GIPC3: variants seen among roughly 807,000 people sequenced by gnomAD.
The protein encoded by GIPC3 is PDZ domain-containing protein GIPC3.
A neutral mutation model predicts 27.3 loss-of-function variants in GIPC3; 16 were observed. The ratio of observed to expected loss-of-function variants is 0.59; its 90% CI spans 0.40 to 0.89. The LOEUF (loss-of-function observed/expected upper bound fraction) is 0.89, where lower values mean the gene tolerates loss of function less well. Ranked by LOEUF, GIPC3 falls within the 40% of genes least tolerant of loss-of-function variation. The probability of loss-of-function intolerance (pLI) is 0.00; values close to 1 mark genes in which losing one functional copy is unlikely to be tolerated. For synonymous variants in GIPC3, 194 were observed against 184.6 expected, an observed-to-expected ratio of 1.05 and a Z score of -0.41; for missense variants, 440 against 442.1, an observed-to-expected ratio of 1.00 and a Z score of 0.04.
At chr19:3,586,771 G>A (rs1339122931) in intron 2 of GIPC3, 43 bp from the exon 3 acceptor site, 1 of 1,611,976 alleles carries the variant, frequency 6.2e-7, no homozygotes, top group African/African-American at 1.3e-5. Flanking sequence ...GATTGGAGGC[G>A]GGTGGCTGGG....
chr19:3,591,869 TC>T lies in GIPC3; in HGVS notation c.*1681del. 1.6e-6 allele frequency: 2 copies of T among 1,232,622 alleles called. No homozygotes were observed. The highest frequency in any genetic ancestry group is 2.0e-6 in the Non-Finnish European group (2 of 988,570). 76.4% of individuals were successfully genotyped at this position (1,232,622 alleles called of 1,614,324 possible). ...CACAGCTTGGTGCCAAGCCCCACTC[TC>T]CTTGCACAATGCAGCTCAGCTCTAG... On this transcript the variant is annotated 3_prime_UTR_variant, in exon 6 of 6. Transcript: ENST00000644452.
At chr19:3,588,504 C>T (rs1389725001) in intron 3 of GIPC3, among the ~76,000 whole-genome samples, 3 of 151,894 alleles carry the variant, frequency 2.0e-5, no homozygotes, top group Non-Finnish European at 4.4e-5. Context: ...TAGAATCTGC[C>T]CTGCCGTGGC....
Position 3,585,700 on chromosome 19 carries a change from C to T in GIPC3, c.103C>T (p.Pro35Ser). 1 of 1,444,272 alleles carries T rather than the reference C, an allele frequency of 6.9e-7. No homozygotes were observed. The allele number at this position is 1,444,272 out of a possible 1,614,324, so 89.5% of individuals were successfully genotyped here. A position where few individuals can be genotyped will look rare whatever the true frequency, so the allele number is the denominator to read the frequency against. The change falls in exon 1 of 6, where the codon CCG (proline) becomes TCG (serine). Residue 35 changes from proline to serine, a missense_variant. Physicochemically the swap from Pro to Ser is moderately conservative, Grantham distance 74 (BLOSUM62 -1). Coordinates refer to ENST00000644452, the MANE Select transcript of GIPC3 (RefSeq NM_133261.3). ...GCCCCCGGCCGCGCCCCGCGCCCGC[C>T]CGCGCCTCGTCTTCCGCACGCAGCT... ...SEPPAAPRAR[P>S]RLVFRTQLAH... is the part of the protein sequence containing the mutation.
chr19:3,585,745 G>T lies in GIPC3; in HGVS notation c.148G>T (p.Gly50Cys), dbSNP rs1415606393. 4.5e-6 allele frequency: 7 copies of T among 1,544,170 alleles called. No individual in the cohort carries two copies. The South Asian group carries it at 8.4e-5, about 18-fold the overall frequency. ...GCAGCTGGCGCACGGGAGCCCCACG[G>T]GCAAGATCGAGGGCTTCACCAACGT... ...RTQLAHGSPT[G>C]KIEGFTNVRE... Residue 50 changes from glycine (G) to cysteine (C), a missense_variant, in exon 1 of 6, where the codon GGC becomes TGC. Gly to Cys is a radical substitution (Grantham distance 159, BLOSUM62 -3). Coordinates refer to ENST00000644452, the MANE Select transcript of GIPC3 (RefSeq NM_133261.3).
rs901468848 is a variant in GIPC3, at chr19:3,589,565, G to A, written c.705+10G>A. On this transcript the variant is annotated intron_variant, in intron 4 of 5. Coordinates refer to ENST00000644452, the MANE Select transcript of GIPC3 (RefSeq NM_133261.3). The stretch of plus-strand genomic sequence containing the variant: ...CACAGTGGAGGAAGCGGTGAGTGAA[G>A]GGGAGGGGCTCTCCCCAGGCTTCTG... 4 of 1,603,396 alleles carry A rather than the reference G, an allele frequency of 2.5e-6. No homozygotes were observed. Among genetic ancestry groups the A allele is most frequent in the African/African-American group, 1.3e-5 (1 of 74,728 alleles).
At chr19:3,586,313 G>A (rs1177530368) in intron 1 of GIPC3, among the ~76,000 whole-genome samples, 182 bp from the exon 2 acceptor site, 1 of 152,162 alleles carries the variant, frequency 6.6e-6, no homozygotes, top group Non-Finnish European at 1.5e-5. Context: ...GGGGTATGGA[G>A]AGGGGTCTCC....
rs1232405011 is a variant in GIPC3, at chr19:3,591,250, C to T, written c.*1060C>T. 8.1e-7 allele frequency: 1 copy of T among 1,232,796 alleles called. No individual in the cohort carries two copies. Among genetic ancestry groups the T allele is most frequent in the African/African-American group, 1.6e-5 (1 of 64,440 alleles). 76.4% of individuals were successfully genotyped at this position (1,232,796 alleles called of 1,614,324 possible). ...TCTAGAACCCAGATAAGATCTGAGA[C>T]CAAGCCCTGCTCTGAAGCCCAGGCC... On this transcript the variant is annotated 3_prime_UTR_variant, in exon 6 of 6. Coordinates refer to ENST00000644452, the MANE Select transcript of GIPC3 (RefSeq NM_133261.3).
At chr19:3,587,196 G>C (rs747941431) in intron 3 of GIPC3, among the ~76,000 whole-genome samples, 19 of 152,134 alleles carry the variant, frequency 1.2e-4, no homozygotes, top group Non-Finnish European at 1.9e-4. Flanking sequence ...GGAGGGGTGG[G>C]GGAGAGACTG....
Position 3,585,575 on chromosome 19 carries a change from T to C in GIPC3, c.-23T>C. 1.7e-6 allele frequency: 2 copies of C among 1,143,970 alleles called. No individual in the cohort carries two copies. Among genetic ancestry groups the C allele is most frequent in the East Asian group, 4.3e-5 (1 of 23,024 alleles). 70.9% of individuals were successfully genotyped at this position (1,143,970 alleles called of 1,614,324 possible). A position where few individuals can be genotyped will look rare whatever the true frequency, so the allele number is the denominator to read the frequency against. On this transcript the variant is annotated 5_prime_UTR_variant, in exon 1 of 6. Transcript: ENST00000644452. ...CCGGCGGCGGCGGCGAGGGCCCGGG[T>C]GGGTGGCCGAACTTCTCCCGCCATG...
Position 3,591,879 on chromosome 19 carries a change from A to G in GIPC3, c.*1689A>G, listed in dbSNP as rs1047766333. 6.5e-6 allele frequency: 8 copies of G among 1,232,688 alleles called. No homozygotes were observed. The highest frequency in any genetic ancestry group is 8.1e-6 in the Non-Finnish European group (8 of 988,504). 76.4% of individuals were successfully genotyped at this position (1,232,688 alleles called of 1,614,324 possible). On this transcript the variant is annotated 3_prime_UTR_variant, in exon 6 of 6. Coordinates refer to ENST00000644452, the MANE Select transcript of GIPC3 (RefSeq NM_133261.3). ...TGCCAAGCCCCACTCTCCTTGCACAATGCAGCTCAGCTCTAGAATGCAGTT... is the reference window on the plus strand; with the variant it reads ...TGCCAAGCCCCACTCTCCTTGCACAGTGCAGCTCAGCTCTAGAATGCAGTT...
chr19:3,590,206 C>G lies in GIPC3; in HGVS notation c.*16C>G, dbSNP rs780444177. ...CTGTGGCTAGTTTGCCCTGGGGGGG[C>G]CCAGCACAGCCCCAGCCCGGAGCCC... is the stretch of plus-strand genomic sequence containing the variant. On this transcript the variant is annotated 3_prime_UTR_variant, in exon 6 of 6. Coordinates refer to ENST00000644452, the MANE Select transcript of GIPC3 (RefSeq NM_133261.3). 4.4e-6 allele frequency: 7 copies of G among 1,574,452 alleles called. No individual in the cohort carries two copies. In the Admixed American group the frequency reaches 9.3e-5, roughly 21 times the overall value.
Position 3,590,543 on chromosome 19 carries a change from T to G in GIPC3, c.*353T>G. The G allele has an allele frequency of 7.4e-6, 10 of 1,356,774 alleles. No homozygotes were observed. The South Asian group carries it at 1.1e-4, about 14-fold the overall frequency. 84.0% of individuals were successfully genotyped at this position (1,356,774 alleles called of 1,614,324 possible). The stretch of plus-strand genomic sequence containing the variant: ...CCTGTTCTAGAACTCAGGCCTGCTC[T>G]GAGGCCAAGCCCAGCTCTAGAACCC... On this transcript the variant is annotated 3_prime_UTR_variant, in exon 6 of 6. Coordinates refer to ENST00000644452, the MANE Select transcript of GIPC3 (RefSeq NM_133261.3).
rs755189458 is a variant in GIPC3, at chr19:3,586,692, G to C, written c.411+12G>C. On this transcript the variant is annotated intron_variant, in intron 2 of 5. Transcript: ENST00000644452. ...ACGCCTTCATCAAGGTGCCCGGGAG[G>C]GGGTGGGCGGGTGGCTTCCTGGGGT... The C allele has an allele frequency of 3.7e-6, 6 of 1,611,126 alleles. No individual in the cohort carries two copies. The East Asian group carries it at 6.7e-5, about 18-fold the overall frequency.
Position 3,586,653 on chromosome 19 carries a change from C to T in GIPC3, c.384C>T (p.Asp128=), listed in dbSNP as rs2032371938. The change falls in exon 2 of 6, where the codon GAC becomes GAT. Residue 128 remains aspartate, a synonymous_variant. Transcript: ENST00000644452. ...TEDALGLTIT[D]NGAGYAFIKR... ...ATGCTCTGGGGCTGACCATCACGGA[C>T]AACGGGGCTGGCTACGCCTTCATCA... 2 of 1,536,924 alleles carry T rather than the reference C, an allele frequency of 1.3e-6. No homozygotes were observed. The highest frequency in any genetic ancestry group is 1.8e-6 in the Non-Finnish European group (2 of 1,122,928).
chr19:3,592,243 T>C lies in GIPC3; in HGVS notation c.*2053T>C, dbSNP rs779192934. ...GGGACTCAATTCGCCTCTAAAACCCTGCCAGGTTCTAGATACCAGCTCCAG... is the reference window on the plus strand; with the variant it reads ...GGGACTCAATTCGCCTCTAAAACCCCGCCAGGTTCTAGATACCAGCTCCAG... On this transcript the variant is annotated 3_prime_UTR_variant, in exon 6 of 6. Transcript: ENST00000644452. The C allele has an allele frequency of 2.8e-5, 35 of 1,231,944 alleles. No individual in the cohort carries two copies. Among genetic ancestry groups the C allele is most frequent in the Non-Finnish European group, 3.5e-5 (35 of 988,066 alleles). The allele number at this position is 1,231,944 out of a possible 1,614,324, so 76.3% of individuals were successfully genotyped here.
rs2032506669 is a variant in GIPC3, at chr19:3,592,642, C to T, written c.*2452C>T. The T allele has an allele frequency of 3.2e-6, 4 of 1,231,966 alleles. No individual in the cohort carries two copies. The highest frequency in any genetic ancestry group is 4.0e-6 in the Non-Finnish European group (4 of 987,978). The allele number at this position is 1,231,966 out of a possible 1,614,324, so 76.3% of individuals were successfully genotyped here. On this transcript the variant is annotated 3_prime_UTR_variant, in exon 6 of 6. Transcript: ENST00000644452. The stretch of plus-strand genomic sequence containing the variant: ...ATTCAGTTTGGCTCTGAAACCCAGA[C>T]CGGCTCAAGAATTCAGCCCGACTCT...
Position 3,589,922 on chromosome 19 carries a change from C to T in GIPC3, c.787+10C>T. ...CGGGACCCCGAGCTGGGTAAGGGGC[C>T]AGGGTAAGCCAGGGGGCCCTGGGGG... On this transcript the variant is annotated intron_variant, in intron 5 of 5. Coordinates refer to ENST00000644452, the MANE Select transcript of GIPC3 (RefSeq NM_133261.3). The T allele has an allele frequency of 6.2e-7, 1 of 1,613,718 alleles. No individual in the cohort carries two copies. The highest frequency in any genetic ancestry group is 1.3e-5 in the African/African-American group (1 of 75,054).
intron 3 of GIPC3, 103 bp downstream of exon 3, chr19:3,587,097 A>C: frequency 9.3e-7 from 1 of 1,071,492 alleles, no homozygotes; most frequent in South Asian, 1.4e-5. Context: ...TTCTAGGTGC[A>C]CCCGCTGCGT....
chr19:3,586,968 G>C lies in GIPC3; in HGVS notation c.566G>C (p.Arg189Pro), dbSNP rs2032379822. Residue 189 changes from arginine (R) to proline (P), a missense_variant, in exon 3 of 6, where the codon CGC (arginine) becomes CCC (proline). Arg to Pro is a moderately radical substitution (Grantham distance 103). Transcript: ENST00000644452. ...CCCAAGTCCCAGCCCTTCACCCTGC[G>C]CCTGGTGCAGCCCAAGAGGGCCTTC... ...ELPKSQPFTL[R>P]LVQPKRAFDM... is the part of the protein sequence containing the mutation. The C allele has an allele frequency of 6.2e-7, 1 of 1,612,868 alleles. No homozygotes were observed.
Sources: gnomAD v4.1 joint callset for allele counts (sites outside exome capture counted in the v4.1 genomes callset) on GRCh38, gnomAD v4.1.1 for gene constraint, MANE v1.5 for transcripts, NCBI Gene and HGNC (gene_info 2026-07-23, HGNC 2026-07-21) for gene names.